The following SRGAP1 variants were observed in gnomAD, a reference collection of about 807,000 sequenced individuals.
SRGAP1 encodes the protein SLIT-ROBO Rho GTPase-activating protein 1.
SRGAP1 carries 43 observed loss-of-function variants against 121.9 expected under a neutral mutation model. The ratio of observed to expected loss-of-function variants is 0.35; its 90% CI spans 0.28 to 0.46. The LOEUF (loss-of-function observed/expected upper bound fraction) is 0.46. Ranked by LOEUF, SRGAP1 falls within the 20% of genes least tolerant of loss-of-function variation. The probability of loss-of-function intolerance (pLI) is 1.00; values close to 1 mark genes in which losing one functional copy is unlikely to be tolerated. For missense variants in SRGAP1, 1,102 were observed against 1,350.9 expected, an observed-to-expected ratio of 0.82 and a Z score of 2.89; for synonymous variants, 447 against 485.4, an observed-to-expected ratio of 0.92 and a Z score of 1.04.
chr12:63,977,820 T>C (rs1029143817), intron 1 of SRGAP1, among the ~76,000 whole-genome samples: 3 of 152,120 alleles, frequency 2.0e-5, no homozygotes, highest in African/African-American at 7.2e-5. Flanking sequence ...AAAAAAACAG[T>C]AAATTTTAGC....
intron 4 of SRGAP1, chr12:64,032,609 A>C (rs2034805058): frequency 1.9e-6 from 1 of 525,952 alleles, no homozygotes. Context: ...AGCTGACAAC[A>C]AGCCCCCACA....
At position 64,151,576 on chromosome 12, in the gene SRGAP1, G is replaced by A. The variant is rs2136664960; in HGVS notation, c.*8904G>A. On this transcript the variant is annotated 3_prime_UTR_variant, in exon 22 of 22. Transcript: ENST00000355086. ...GGCTCATGACAAATATTGCCGACCT[G>A]TTTTCCAGCAAAGTTGTACAAATTT... 6.6e-6 allele frequency: 1 copy of A among 152,180 alleles called. No homozygotes were observed. Among genetic ancestry groups the A allele is most frequent in the East Asian group, 1.9e-4 (1 of 5,178 alleles). The allele number at this position is 152,180 out of a possible 1,614,324, so 9.4% of individuals were successfully genotyped here. A position where few individuals can be genotyped will look rare whatever the true frequency, so the allele number is the denominator to read the frequency against.
rs1446221718 is a variant in SRGAP1, at chr12:64,126,023, G to A, written c.2271G>A (p.Arg757=). 1 of 1,614,160 alleles carries A rather than the reference G, an allele frequency of 6.2e-7. No individual in the cohort carries two copies. Among genetic ancestry groups the A allele is most frequent in the Non-Finnish European group, 8.5e-7 (1 of 1,180,008 alleles). ...EAIAKFDYVG[R]SARELSFKKG... ...TAGCCAAGTTTGACTATGTTGGGCG[G>A]TCTGCCAGAGAACTATCCTTCAAGA... The change falls in exon 19 of 22, where the codon CGG becomes CGA. Residue 757 remains arginine (R), a synonymous_variant. Coordinates refer to ENST00000355086, the MANE Select transcript of SRGAP1 (RefSeq NM_020762.4).
At position 64,142,825 on chromosome 12, in the gene SRGAP1, G is replaced by C; in HGVS notation, c.*153G>C. 9.8e-7 allele frequency: 1 copy of C among 1,019,714 alleles called. No homozygotes were observed. The highest frequency in any genetic ancestry group is 1.4e-6 in the Non-Finnish European group (1 of 709,532). The allele number at this position is 1,019,714 out of a possible 1,614,324, so 63.2% of individuals were successfully genotyped here. On this transcript the variant is annotated 3_prime_UTR_variant, in exon 22 of 22. Coordinates refer to ENST00000355086, the MANE Select transcript of SRGAP1 (RefSeq NM_020762.4). ...TTGTCGAATGTAATGTCTGAGACTA[G>C]CTAAATTAACACGGGCATTTGTATT...
At chr12:63,972,972 C>T (rs1009358507) in intron 1 of SRGAP1, among the ~76,000 whole-genome samples, 1 of 151,948 alleles carries the variant, frequency 6.6e-6, no homozygotes, top group Non-Finnish European at 1.5e-5. Flanking sequence ...ACATGACAAA[C>T]CTTGTCTCTA....
At chr12:64,026,212 A>G (rs1254517298) in intron 4 of SRGAP1, among the ~76,000 whole-genome samples, 3 of 152,302 alleles carry the variant, frequency 2.0e-5, no homozygotes, top group South Asian at 2.1e-4. Flanking sequence ...ATCCTTCTCA[A>G]TGAAGTGTTT....
chr12:64,059,109 C>T (rs1348071895), intron 6 of SRGAP1, among the ~76,000 whole-genome samples: 1 of 152,098 alleles, frequency 6.6e-6, no homozygotes, highest in African/African-American at 2.4e-5. Context: ...TAGTAAGCCA[C>T]ATGCACGCTC....
chr12:64,072,152 G>GTGT, intron 8 of SRGAP1, among the ~76,000 whole-genome samples: 3 of 50,520 alleles, frequency 5.9e-5, no homozygotes, highest in Middle Eastern at 7.1e-3. Context: ...GTGTGTGGGC[G>GTGT]GCGGGGGGGG....
At chr12:64,134,988 C>T (rs2036837434) in intron 21 of SRGAP1, among the ~76,000 whole-genome samples, 1 of 152,170 alleles carries the variant, frequency 6.6e-6, no homozygotes, top group Non-Finnish European at 1.5e-5. Context: ...GGAGAGTCAA[C>T]ATTATCTTGC....
chr12:64,029,604 A>G (rs763392608), intron 4 of SRGAP1, among the ~76,000 whole-genome samples: 1 of 152,186 alleles, frequency 6.6e-6, no homozygotes, highest in Non-Finnish European at 1.5e-5. Context: ...AAAAGAGGAG[A>G]GTGTGTGACG....
At chr12:63,848,009 A>T (rs1033592918) in intron 1 of SRGAP1, among the ~76,000 whole-genome samples, 23 of 147,988 alleles carry the variant, frequency 1.6e-4, no homozygotes, top group Admixed American at 4.1e-4. Flanking sequence ...TTTTTATTTT[A>T]TATATATATA....
intron 10 of SRGAP1, among the ~76,000 whole-genome samples, chr12:64,086,605 A>G (rs1439860286): frequency 6.6e-6 from 1 of 152,138 alleles, no homozygotes. Context: ...CCTTCTCGCT[A>G]ACAAGTGTCA....
intron 1 of SRGAP1, among the ~76,000 whole-genome samples, chr12:63,880,492 C>G (rs545328722): frequency 6.6e-6 from 1 of 152,074 alleles, no homozygotes; most frequent in South Asian, 2.1e-4. Context: ...CATCGGCCTC[C>G]GAAAGTGCTG....
At chr12:64,102,072 G>A (rs1330121784) in intron 15 of SRGAP1, among the ~76,000 whole-genome samples, 1 of 152,116 alleles carries the variant, frequency 6.6e-6, no homozygotes, top group Non-Finnish European at 1.5e-5. Context: ...CAAATACTAT[G>A]TTTCATGTTA....
At chr12:63,869,829 G>T (rs1042110667) in intron 1 of SRGAP1, among the ~76,000 whole-genome samples, 8 of 152,128 alleles carry the variant, frequency 5.3e-5, no homozygotes, top group Non-Finnish European at 1.0e-4. Flanking sequence ...TGTTGCCTGG[G>T]GTTATTGTTA....
Position 64,155,776 on chromosome 12 carries a change from G to A in SRGAP1, c.*13104G>A, listed in dbSNP as rs557080272. 6.6e-6 allele frequency: 1 copy of A among 151,998 alleles called. No individual in the cohort carries two copies. The highest frequency in any genetic ancestry group is 2.1e-4 in the South Asian group (1 of 4,818). The allele number at this position is 151,998 out of a possible 1,614,324, so 9.4% of individuals were successfully genotyped here. ...GCCTCCAGAGCAGCTGGGACTACAA[G>A]TGCGCACAACCACACCCAGCTAATT... On this transcript the variant is annotated 3_prime_UTR_variant, in exon 22 of 22. Coordinates refer to ENST00000355086, the MANE Select transcript of SRGAP1 (RefSeq NM_020762.4).
rs901426452 is a variant in SRGAP1, at chr12:63,947,087, A to G, written c.68-36860A>G. ...TTTCATTTTTAACCACTACAAATAA[A>G]AGTGCTATGCACATTTGTGTACAAG... On this transcript the variant is annotated intron_variant, in intron 1 of 21. Transcript: ENST00000355086. 2.6e-5 allele frequency among the ~76,000 whole-genome samples: 4 copies of G among 152,252 alleles called. No homozygotes were observed. The South Asian group carries it at 6.2e-4, about 24-fold the overall frequency.
chr12:64,090,059 G>A (rs2036020589), intron 11 of SRGAP1, among the ~76,000 whole-genome samples: 1 of 152,168 alleles, frequency 6.6e-6, no homozygotes, highest in Non-Finnish European at 1.5e-5. Flanking sequence ...AAGTCTTGCA[G>A]TTAAAAAGGA....
At chr12:63,873,067 GA>G (rs1437667151) in intron 1 of SRGAP1, among the ~76,000 whole-genome samples, 1 of 152,184 alleles carries the variant, frequency 6.6e-6, no homozygotes, top group Non-Finnish European at 1.5e-5. Flanking sequence ...GCCTTGAGCA[GA>G]GTAGTAAAAG....
Sources: allele counts gnomAD v4.1 joint callset (sites outside exome capture counted in the v4.1 genomes callset), GRCh38; gene constraint gnomAD v4.1.1; transcripts MANE v1.5; gene names NCBI Gene and HGNC (gene_info 2026-07-23, HGNC 2026-07-21).